Variants in ATAD2B observed in about 807,000 individuals in gnomAD.
ATAD2B encodes ATPase family AAA domain-containing protein 2B.
Under a neutral mutation model 167.6 loss-of-function variants are expected in ATAD2B, and 40 were observed. That is an observed-to-expected ratio of 0.24 (90% CI 0.19 to 0.31). The LOEUF (loss-of-function observed/expected upper bound fraction) is 0.31, where lower values mean the gene tolerates loss of function less well. ATAD2B is among the 10% of genes least tolerant of loss of function. ATAD2B has a pLI of 1.00. For synonymous variants in ATAD2B, 579 were observed against 596.5 expected (o/e 0.97, Z 0.43); for missense variants, 1,242 against 1,757.2 (o/e 0.71, Z 5.24).
the ATAD2B span, among the ~76,000 whole-genome samples, chr2:23,735,605 T>C: frequency 6.6e-6 from 1 of 152,240 alleles, no homozygotes; most frequent in Admixed American, 6.5e-5. Context: ...AGAATTTCTT[T>C]CCCTGAAGCT....
downstream of ATAD2B, among the ~76,000 whole-genome samples, chr2:23,746,554 T>C (rs890518009): frequency 4.6e-5 from 7 of 152,172 alleles, no homozygotes; most frequent in African/African-American, 1.4e-4. Context: ...TGCTTAAATG[T>C]TTACTGAACT....
chr2:23,745,405 G>GAAGGAAGGAAGC (rs1674797719), downstream of ATAD2B, among the ~76,000 whole-genome samples: 1 of 122,282 alleles, frequency 8.2e-6, no homozygotes, highest in Non-Finnish European at 1.8e-5. Flanking sequence ...AGGAAGGAAG[G>GAAGGAAGGAAGC]AAGGAAGGAA....
chr2:23,770,528 T>C (rs976382000), intron 22 of ATAD2B, among the ~76,000 whole-genome samples: 8 of 152,186 alleles, frequency 5.3e-5, no homozygotes, highest in Admixed American at 6.5e-5. Context: ...CCATTGTGAG[T>C]CAACTTCTGC....
chr2:23,839,685 T>C (rs1389894832), intron 13 of ATAD2B, among the ~76,000 whole-genome samples: 1 of 152,164 alleles, frequency 6.6e-6, no homozygotes, highest in Non-Finnish European at 1.5e-5. Flanking sequence ...CAAGTGAGAC[T>C]AGTTTCCAAT....
At chr2:23,859,283 T>C (rs1020335078) in intron 12 of ATAD2B, among the ~76,000 whole-genome samples, 3 of 152,112 alleles carry the variant, frequency 2.0e-5, no homozygotes, top group Admixed American at 6.6e-5. Flanking sequence ...TAGTGAGTTC[T>C]AGAAGCTACT....
At position 23,786,012 on chromosome 2, in the gene ATAD2B, C is replaced by T. The variant is rs1680757667; in HGVS notation, c.2973+15G>A. On this transcript the variant is annotated intron_variant, in intron 21 of 27. Transcript: ENST00000238789. ...CCAGTTCAACTTCACTGTTTGCACA[C>T]TACTGAAACAAGACCTCTTCAATAT... 1.3e-6 allele frequency: 2 copies of T among 1,598,216 alleles called. No homozygotes were observed. The highest frequency in any genetic ancestry group is 1.7e-4 in the Middle Eastern group (1 of 6,018).
the ATAD2B span, among the ~76,000 whole-genome samples, chr2:23,733,235 C>T: frequency 6.6e-6 from 1 of 152,140 alleles, no homozygotes; most frequent in Admixed American, 6.5e-5. Context: ...CAAAGATCAC[C>T]CAATTGCCAC....
rs146864661 is a variant in ATAD2B at position 23,881,651 on chromosome 2, G to A, written c.785-896C>T. On this transcript the variant is annotated intron_variant, in intron 6 of 27. Coordinates refer to ENST00000238789, the MANE Select transcript of ATAD2B (RefSeq NM_017552.4). ...GCTGGGATTATAGGCGTGAGCCACC[G>A]CGCCCAGCTATAATTCATTTTTTAA... 1.1e-3 allele frequency among the ~76,000 whole-genome samples: 157 copies of A among 147,970 alleles called. 2 individuals carry two copies. Among genetic ancestry groups the A allele is most frequent in the Admixed American group, 3.8e-3 (57 of 14,842 alleles).
At chr2:23,896,110 G>A (rs1394458653) in intron 1 of ATAD2B, 140 bp from the exon 2 acceptor site, 7 of 422,860 alleles carry the variant, frequency 1.7e-5, no homozygotes, top group Non-Finnish European at 2.5e-5. Flanking sequence ...GAGGTCAGGA[G>A]TTCAAGACCA....
chr2:23,861,143 T>G (rs933918506), intron 12 of ATAD2B, among the ~76,000 whole-genome samples: 13 of 147,620 alleles, frequency 8.8e-5, no homozygotes, highest in South Asian at 4.3e-4. Context: ...TGTTGTTGTT[T>G]TTTTCCTTTT....
At chr2:23,703,935 T>C in the ATAD2B span, 1 of 1,441,526 alleles carries the variant, frequency 6.9e-7, no homozygotes, top group Non-Finnish European at 9.2e-7. Flanking sequence ...ACCACAATGA[T>C]TTCCTGCCAT....
intron 24 of ATAD2B, among the ~76,000 whole-genome samples, chr2:23,759,129 T>C (rs907136359): frequency 3.3e-5 from 5 of 152,212 alleles, no homozygotes; most frequent in Admixed American, 6.5e-5. Context: ...AAACCACTTA[T>C]GCTAGAGCTG....
chr2:23,925,783 T>C (rs1558818730), intron 1 of ATAD2B, among the ~76,000 whole-genome samples: 1 of 152,228 alleles, frequency 6.6e-6, no homozygotes, highest in African/African-American at 2.4e-5. Flanking sequence ...TTTTGTAATA[T>C]AGTCCCATAA....
At chr2:23,876,050 G>A (rs1696772151) in intron 7 of ATAD2B, 146 bp from the exon 8 acceptor site, 2 of 622,308 alleles carry the variant, frequency 3.2e-6, no homozygotes, top group Non-Finnish European at 5.5e-6. Context: ...CTGGAATGCA[G>A]TGGCGCGATC....
intron 15 of ATAD2B, among the ~76,000 whole-genome samples, chr2:23,825,371 C>T (rs1688093846): frequency 6.6e-6 from 1 of 152,062 alleles, no homozygotes; most frequent in Non-Finnish European, 1.5e-5. Flanking sequence ...GAACTTAATT[C>T]AGAAGACTAT....
At chr2:23,752,234 T>C (rs934188831) in intron 27 of ATAD2B, 147 bp from the exon 28 acceptor site, 5 of 640,014 alleles carry the variant, frequency 7.8e-6, no homozygotes, top group Non-Finnish European at 1.4e-5. Context: ...ATACCATAGG[T>C]AATTAAGACT....
chr2:23,709,127 C>T, the ATAD2B span, among the ~76,000 whole-genome samples: 11 of 152,222 alleles, frequency 7.2e-5, no homozygotes, highest in Non-Finnish European at 1.5e-4. Flanking sequence ...CCACAACCTC[C>T]GCCTCCCGGG....
At chr2:23,698,622 T>G in the ATAD2B span, among the ~76,000 whole-genome samples, 2 of 152,216 alleles carry the variant, frequency 1.3e-5, no homozygotes, top group Admixed American at 6.5e-5. Flanking sequence ...TAATTATAGA[T>G]TAAGACAACA....
intron 13 of ATAD2B, among the ~76,000 whole-genome samples, chr2:23,847,375 C>T (rs1019250162): frequency 6.6e-6 from 1 of 151,984 alleles, no homozygotes; most frequent in Non-Finnish European, 1.5e-5. Flanking sequence ...GTGGTTGGTA[C>T]ACACCTGTAG....
Sources: allele counts gnomAD v4.1 joint callset (sites outside exome capture counted in the v4.1 genomes callset), GRCh38; gene constraint gnomAD v4.1.1; transcripts MANE v1.5; gene names NCBI Gene and HGNC (gene_info 2026-07-23, HGNC 2026-07-21).